Variants in FABP12 observed in about 807,000 individuals in gnomAD.
The protein encoded by FABP12 is fatty acid binding protein 12, also known as fatty acid-binding protein 12.
Under a neutral mutation model 13.7 loss-of-function variants are expected in FABP12, and 19 were observed. That is an observed-to-expected ratio of 1.39 (90% CI 0.97 to 2.04). FABP12 has a LOEUF of 2.04. FABP12 is among the 30% of genes most tolerant of loss of function. The probability of loss-of-function intolerance (pLI) is 0.00; values close to 1 mark genes in which losing one functional copy is unlikely to be tolerated. For synonymous variants in FABP12, 61 were observed against 57.0 expected, an observed-to-expected ratio of 1.07 and a Z score of -0.32; for missense variants, 182 against 164.2, an observed-to-expected ratio of 1.11 and a Z score of -0.59.
At chr8:81,576,518 C>T (rs1810049761) in intron 1 of FABP12, among the ~76,000 whole-genome samples, 1 of 150,086 alleles carries the variant, frequency 6.7e-6, no homozygotes, top group African/African-American at 2.5e-5. Flanking sequence ...CACAAACACA[C>T]AAACACACAC....
chr8:81,531,247 C>T (rs1809067913), exon 2 of FABP12: 3 of 1,605,168 alleles, frequency 1.9e-6, no homozygotes, highest in Non-Finnish European at 2.6e-6. Context: ...GCTCACCCAG[C>T]TCCTTCATGT....
At chr8:81,576,204 A>G (rs906464383) in intron 1 of FABP12, among the ~76,000 whole-genome samples, 6 of 152,286 alleles carry the variant, frequency 3.9e-5, no homozygotes, top group African/African-American at 1.4e-4. Context: ...ATAAAATCTC[A>G]AATAAGAAGC....
intron 1 of FABP12, among the ~76,000 whole-genome samples, chr8:81,541,374 G>A (rs1400390111): frequency 6.6e-6 from 1 of 152,092 alleles, no homozygotes; most frequent in Admixed American, 6.5e-5. Context: ...AAGCCCTGTT[G>A]TTTACCATCA....
At chr8:81,588,774 C>T (rs1456783411) in intron 1 of FABP12, among the ~76,000 whole-genome samples, 1 of 152,178 alleles carries the variant, frequency 6.6e-6, no homozygotes, top group Non-Finnish European at 1.5e-5. Flanking sequence ...AGTACAATAA[C>T]AGACCCTTTA....
At chr8:81,530,049 G>GTA (rs534039385) in intron 2 of FABP12, among the ~76,000 whole-genome samples, 18 of 152,004 alleles carry the variant, frequency 1.2e-4, no homozygotes, top group South Asian at 6.2e-4. Flanking sequence ...ATTCTTACAT[G>GTA]TATATATATA....
rs568005563 is a variant in FABP12, at chr8:81,529,288, A to G, written c.246+150T>C. 3.0e-4 allele frequency: 218 copies of G among 735,952 alleles called. No homozygotes were observed. In the East Asian group the frequency reaches 5.3e-3, roughly 18 times the overall value. The allele number at this position is 735,952 out of a possible 1,614,324, so 45.6% of individuals were successfully genotyped here. A position where few individuals can be genotyped will look rare whatever the true frequency, so the allele number is the denominator to read the frequency against. ...TTCACAAGCATCCCAGAAGATTTGT[A>G]TCTTCACATTGACATCCTTAGACCT... On this transcript the variant is annotated intron_variant, in intron 3 of 4. Coordinates refer to ENST00000360464, the Ensembl canonical transcript of FABP12.
At chr8:81,571,669 C>T (rs754990887) in intron 1 of FABP12, among the ~76,000 whole-genome samples, 2 of 152,184 alleles carry the variant, frequency 1.3e-5, no homozygotes, top group Non-Finnish European at 2.9e-5. Flanking sequence ...GAACCCAAAC[C>T]AACTTTTTCA....
chr8:81,559,741 C>G (rs1809687558), intron 1 of FABP12, among the ~76,000 whole-genome samples: 2 of 152,140 alleles, frequency 1.3e-5, no homozygotes, highest in Admixed American at 1.3e-4. Context: ...CCTGGGTGAG[C>G]CTTGCAACAC....
intron 1 of FABP12, among the ~76,000 whole-genome samples, chr8:81,554,884 A>G (rs550581093): frequency 3.9e-5 from 6 of 152,318 alleles, no homozygotes; most frequent in African/African-American, 1.4e-4. Context: ...ATTCAAAGCC[A>G]TGCTAGGTCG....
At chr8:81,553,048 G>A (rs1285750068) in intron 1 of FABP12, among the ~76,000 whole-genome samples, 2 of 152,118 alleles carry the variant, frequency 1.3e-5, no homozygotes, top group African/African-American at 2.4e-5. Context: ...TTTATCAATG[G>A]AACATTTAAT....
chr8:81,559,937 G>T (rs1809692119), intron 1 of FABP12, among the ~76,000 whole-genome samples: 1 of 152,124 alleles, frequency 6.6e-6, no homozygotes, highest in East Asian at 1.9e-4. Context: ...TTCTTTGTAG[G>T]AATGCAATGT....
At chr8:81,571,906 A>C (rs1809938582) in intron 1 of FABP12, among the ~76,000 whole-genome samples, 1 of 152,130 alleles carries the variant, frequency 6.6e-6, no homozygotes, top group South Asian at 2.1e-4. Context: ...AAATATGCTT[A>C]CTATTAAGAT....
upstream of FABP12, among the ~76,000 whole-genome samples, chr8:81,534,244 CT>C (rs1809166597): frequency 6.6e-6 from 1 of 152,178 alleles, no homozygotes; most frequent in Non-Finnish European, 1.5e-5. Flanking sequence ...ACAGCCCTTC[CT>C]TCCTGCAGAC....
At chr8:81,552,207 A>G (rs944732719) in intron 1 of FABP12, among the ~76,000 whole-genome samples, 4 of 152,184 alleles carry the variant, frequency 2.6e-5, no homozygotes, top group Admixed American at 1.3e-4. Flanking sequence ...CAGTGAGAAA[A>G]AGAAGAAAGT....
At chr8:81,560,555 T>C (rs1434562436) in intron 1 of FABP12, among the ~76,000 whole-genome samples, 1 of 152,144 alleles carries the variant, frequency 6.6e-6, no homozygotes, top group Non-Finnish European at 1.5e-5. Flanking sequence ...CAAAACACAT[T>C]AGTGGATTGT....
upstream of FABP12, among the ~76,000 whole-genome samples, chr8:81,534,658 G>A (rs1021170745): frequency 6.6e-6 from 1 of 152,120 alleles, no homozygotes; most frequent in African/African-American, 2.4e-5. Flanking sequence ...CATAGCCACA[G>A]GACTATGTAA....
rs1425207471 is a variant in FABP12, at chr8:81,527,074, C to T, written c.294G>A (p.Trp98Ter). The change falls in exon 4 of 5, where the codon TGG becomes TGA. Residue 98 changes from tryptophan (W) to a stop codon, truncating the protein, a stop_gained. Coordinates refer to ENST00000360464, the Ensembl canonical transcript of FABP12. LOFTEE classifies it high-confidence loss of function. Reference sequence around the variant, plus strand: ...TCGTTATGGTGGTTTCTTTGCCATCCCAGTCCTGAACTTGAATCAGGGACT... The same window carrying T: ...TCGTTATGGTGGTTTCTTTGCCATCTCAGTCCTGAACTTGAATCAGGGACT... 1 of 1,612,382 alleles carries T rather than the reference C, an allele frequency of 6.2e-7. No individual in the cohort carries two copies. The highest frequency in any genetic ancestry group is 1.7e-5 in the Admixed American group (1 of 59,752).
At chr8:81,562,936 G>GCCTTGAGCAA (rs1809749121) in intron 1 of FABP12, among the ~76,000 whole-genome samples, 1 of 152,206 alleles carries the variant, frequency 6.6e-6, no homozygotes, top group African/African-American at 2.4e-5. Context: ...GCAAATGTAA[G>GCCTTGAGCAA]TGGTAGTCAG....
chr8:81,527,611 A>T (rs889161974), intron 3 of FABP12, among the ~76,000 whole-genome samples: 1 of 152,102 alleles, frequency 6.6e-6, no homozygotes, highest in Non-Finnish European at 1.5e-5. Context: ...ATCTGCCCAC[A>T]TTGGCCTCCC....
Sources: gnomAD v4.1 joint callset for allele counts (sites outside exome capture counted in the v4.1 genomes callset) on GRCh38, gnomAD v4.1.1 for gene constraint, MANE v1.5 for transcripts, NCBI Gene and HGNC (gene_info 2026-07-23, HGNC 2026-07-21) for gene names.